The following DCX variants were observed in gnomAD, a reference collection of about 807,000 sequenced individuals.
DCX encodes doublecortin.
In DCX, 4 loss-of-function variants were observed where a neutral mutation model predicts 20.9. The observed-to-expected ratio is 0.19, with a 90% CI of 0.09 to 0.44. The LOEUF (loss-of-function observed/expected upper bound fraction) is 0.44. DCX is among the 20% of genes least tolerant of loss of function. The pLI is 0.99. For missense variants in DCX, 133 were observed against 296.9 expected, an observed-to-expected ratio of 0.45 and a Z score of 4.06; for synonymous variants, 103 against 111.4, an observed-to-expected ratio of 0.92 and a Z score of 0.47.
At chrX:111,307,389 G>A (rs940221446) in intron 6 of DCX, among the ~76,000 whole-genome samples, 2 of 109,847 alleles carry the variant, frequency 1.8e-5, no homozygotes, top group African/African-American at 3.3e-5. Context: ...GTGTACAAAT[G>A]TAAGAGAAGG....
At chrX:111,368,183 C>T (rs1163611472) in intron 3 of DCX, among the ~76,000 whole-genome samples, 1 of 111,321 alleles carries the variant, frequency 9.0e-6, no homozygotes, top group Non-Finnish European at 1.9e-5. Flanking sequence ...TTGTGCCATA[C>T]CACCTTCTGA....
chrX:111,334,116 C>A (rs1921508265), intron 3 of DCX, among the ~76,000 whole-genome samples: 1 of 112,532 alleles, frequency 8.9e-6, no homozygotes, highest in African/African-American at 3.2e-5. Context: ...TGCTCACAAA[C>A]TAACAACAGC....
At chrX:111,391,586 C>G (rs1926958135) in intron 3 of DCX, among the ~76,000 whole-genome samples, 1 of 110,921 alleles carries the variant, frequency 9.0e-6, no homozygotes, top group Non-Finnish European at 1.9e-5. Context: ...CCAGATCACT[C>G]TTTTTTTGTG....
At chrX:111,408,691 A>AAAGG (rs1220241492) in intron 2 of DCX, among the ~76,000 whole-genome samples, 53 of 103,308 alleles carry the variant, frequency 5.1e-4, no homozygotes, top group South Asian at 1.7e-3. Context: ...AGAAAGAAAG[A>AAAGG]AAGGAAGGAA....
chrX:111,367,648 C>T (rs1027153703), intron 3 of DCX, among the ~76,000 whole-genome samples: 1 of 111,393 alleles, frequency 9.0e-6, no homozygotes, highest in Non-Finnish European at 1.9e-5. Flanking sequence ...ATAGTAGGGC[C>T]TAAGGGAGTG....
chrX:111,363,217 C>A (rs1303890695), intron 3 of DCX, among the ~76,000 whole-genome samples: 3 of 111,049 alleles, frequency 2.7e-5, no homozygotes, highest in Non-Finnish European at 3.8e-5. Flanking sequence ...CTGCCCTTTC[C>A]CTGACACCTC....
chrX:111,307,442 G>T lies in DCX; in HGVS notation c.1044+5197C>A, dbSNP rs146431702. 1.1e-3 allele frequency among the ~76,000 whole-genome samples: 122 copies of T among 110,688 alleles called. 1 individual carries two copies. The highest frequency in any genetic ancestry group is 6.8e-3 in the East Asian group (24 of 3,508). On this transcript the variant is annotated intron_variant, in intron 6 of 6. Coordinates refer to ENST00000636035, the MANE Select transcript of DCX (RefSeq NM_001195553.2). ...CTATTACTATGTTATGACTATTGAT[G>T]AATTCCATTAAGTTAAACTTGCATA...
intron 3 of DCX, among the ~76,000 whole-genome samples, chrX:111,368,897 T>TACACAC (rs1206548668): frequency 1.2e-5 from 1 of 84,893 alleles, no homozygotes; most frequent in Non-Finnish European, 2.0e-5. Context: ...TATATATATA[T>TACACAC]ACATACACAC....
At chrX:111,378,110 G>A (rs1020742424) in intron 3 of DCX, among the ~76,000 whole-genome samples, 3 of 111,577 alleles carry the variant, frequency 2.7e-5, no homozygotes, top group African/African-American at 3.3e-5. Flanking sequence ...GCTAGATTCA[G>A]GCAGGGATCA....
intron 3 of DCX, among the ~76,000 whole-genome samples, chrX:111,364,537 G>A (rs1014186005): frequency 4.5e-5 from 5 of 111,948 alleles, no homozygotes; most frequent in South Asian, 3.7e-4. Context: ...TTTTAAACAT[G>A]TGTGTTCCAT....
At position 111,410,508 on chromosome X, in the gene DCX, A is replaced by T. The variant is rs189374643; in HGVS notation, c.-22-88T>A. 52 of 1,120,571 alleles carry T rather than the reference A, an allele frequency of 4.6e-5. No individual in the cohort carries two copies. In the East Asian group the frequency reaches 1.5e-3, roughly 33 times the overall value. 92.3% of individuals were successfully genotyped at this position (1,120,571 alleles called of 1,213,427 possible). A position where few individuals can be genotyped will look rare whatever the true frequency, so the allele number is the denominator to read the frequency against. ...GAAAAAAGAAGGGATTTTAAATATT[A>T]GCCAGATCCAGATCTGCAATCTGCT... On this transcript the variant is annotated intron_variant, in intron 1 of 6. Coordinates refer to ENST00000636035, the MANE Select transcript of DCX (RefSeq NM_001195553.2).
In DCX at chrX:111,331,556, C is replaced by T. The variant is rs1921247470; in HGVS notation, c.809-515G>A. ...ATATAAATAAGCACTATGACCACCACCATCTTGCATTTATCAAGTTCTTTT... is the reference window on the plus strand; with the variant it reads ...ATATAAATAAGCACTATGACCACCATCATCTTGCATTTATCAAGTTCTTTT... On this transcript the variant is annotated intron_variant, in intron 4 of 6. Coordinates refer to ENST00000636035, the MANE Select transcript of DCX (RefSeq NM_001195553.2). Among the ~76,000 whole-genome samples, 3 of 111,943 alleles carry T rather than the reference C, an allele frequency of 2.7e-5. No individual in the cohort carries two copies. The South Asian group carries it at 1.1e-3, about 42-fold the overall frequency.
At chrX:111,309,775 A>G (rs1050105038) in intron 6 of DCX, among the ~76,000 whole-genome samples, 9 of 111,928 alleles carry the variant, frequency 8.0e-5, no homozygotes, top group Non-Finnish European at 1.7e-4. Flanking sequence ...TCCAGATTAA[A>G]GAAGACTAAA....
intron 3 of DCX, among the ~76,000 whole-genome samples, chrX:111,384,030 C>T (rs988696568): frequency 5.4e-5 from 6 of 111,857 alleles, no homozygotes; most frequent in African/African-American, 1.3e-4. Flanking sequence ...AACTAAATCA[C>T]TTCTAAGATA....
chrX:111,381,199 A>G (rs1925942501), intron 3 of DCX, among the ~76,000 whole-genome samples: 1 of 110,381 alleles, frequency 9.1e-6, no homozygotes, highest in Non-Finnish European at 1.9e-5. Context: ...TACTCTGCCA[A>G]TATGATGTCC....
At chrX:111,362,717 A>G (rs1264453668) in intron 3 of DCX, among the ~76,000 whole-genome samples, 1 of 111,268 alleles carries the variant, frequency 9.0e-6, no homozygotes, top group Non-Finnish European at 1.9e-5. Flanking sequence ...TCAGGGTGAG[A>G]TGTCTCTCCT....
At chrX:111,365,805 A>C (rs1325924166) in intron 3 of DCX, among the ~76,000 whole-genome samples, 1 of 111,874 alleles carries the variant, frequency 8.9e-6, no homozygotes, top group Non-Finnish European at 1.9e-5. Context: ...CATTGTATAT[A>C]ATTGTTATCT....
At chrX:111,317,347 T>C (rs1213278291) in intron 5 of DCX, among the ~76,000 whole-genome samples, 1 of 111,447 alleles carries the variant, frequency 9.0e-6, no homozygotes, top group African/African-American at 3.3e-5. Flanking sequence ...ATTTAATAAA[T>C]GGTGCTAGGA....
intron 5 of DCX, among the ~76,000 whole-genome samples, chrX:111,330,589 T>G (rs1216951986): frequency 8.9e-6 from 1 of 112,084 alleles, no homozygotes; most frequent in East Asian, 2.8e-4. Context: ...TTATGGTTAA[T>G]TTGATTATTC....
Sources: gnomAD v4.1 joint callset for allele counts (sites outside exome capture counted in the v4.1 genomes callset) on GRCh38, gnomAD v4.1.1 for gene constraint, MANE v1.5 for transcripts, NCBI Gene and HGNC (gene_info 2026-07-23, HGNC 2026-07-21) for gene names.